Variants in PTPRK observed in about 807,000 individuals in gnomAD.
PTPRK encodes protein tyrosine phosphatase receptor type K, also known as receptor-type tyrosine-protein phosphatase kappa.
In PTPRK, 75 loss-of-function variants were observed where a neutral mutation model predicts 178.0. The ratio of observed to expected loss-of-function variants is 0.42; its 90% confidence interval spans 0.35 to 0.51. The LOEUF is 0.51. Ranked by LOEUF, PTPRK falls within the 20% of genes least tolerant of loss-of-function variation. The probability of loss-of-function intolerance (pLI) is 0.02; values close to 1 mark genes in which losing one functional copy is unlikely to be tolerated. For missense variants in PTPRK, 1,441 were observed against 1,797.8 expected (o/e 0.80, Z 3.59); for synonymous variants, 637 against 620.6 (o/e 1.03, Z -0.39).
At chr6:128,181,611 T>G (rs1801919892) in intron 7 of PTPRK, among the ~76,000 whole-genome samples, 1 of 152,118 alleles carries the variant, frequency 6.6e-6, no homozygotes, top group African/African-American at 2.4e-5. Context: ...TTTCCCAAGA[T>G]TATGAAGCAT....
chr6:128,258,020 G>A (rs1051725108), intron 3 of PTPRK, among the ~76,000 whole-genome samples: 4 of 151,826 alleles, frequency 2.6e-5, no homozygotes, highest in African/African-American at 9.7e-5. Context: ...AAGAAAAATG[G>A]CCAGAATATA....
chr6:128,083,683 C>T, intron 9 of PTPRK, 32 bp downstream of exon 9: 1 of 1,375,850 alleles, frequency 7.3e-7, no homozygotes. Context: ...CTTCAATCCA[C>T]ATTTCAATTA....
intron 3 of PTPRK, among the ~76,000 whole-genome samples, chr6:128,295,005 C>G (rs1342679340): frequency 1.3e-5 from 2 of 151,830 alleles, no homozygotes; most frequent in Non-Finnish European, 1.5e-5. Flanking sequence ...TTATCTGTTT[C>G]CACATAAACA....
intron 5 of PTPRK, among the ~76,000 whole-genome samples, chr6:128,230,579 G>A (rs942662394): frequency 1.3e-5 from 2 of 152,054 alleles, no homozygotes; most frequent in Non-Finnish European, 2.9e-5. Context: ...CTATACCTAC[G>A]TTTTATTTTA....
intron 5 of PTPRK, among the ~76,000 whole-genome samples, chr6:128,226,793 T>TAC (rs1562825703): frequency 7.1e-6 from 1 of 140,224 alleles, no homozygotes; most frequent in African/African-American, 2.8e-5. Context: ...TATATATATA[T>TAC]ATATATTTCA....
At chr6:128,282,036 C>A (rs1033535260) in intron 3 of PTPRK, among the ~76,000 whole-genome samples, 5 of 152,116 alleles carry the variant, frequency 3.3e-5, no homozygotes, top group African/African-American at 1.2e-4. Flanking sequence ...AGAACTGATT[C>A]TCTAGCTTTT....
intron 2 of PTPRK, among the ~76,000 whole-genome samples, chr6:128,359,525 G>T (rs1366617939): frequency 1.3e-5 from 2 of 152,022 alleles, no homozygotes. Flanking sequence ...GCTGAGGCGG[G>T]TGGATCACCT....
intron 3 of PTPRK, among the ~76,000 whole-genome samples, chr6:128,242,870 G>A (rs1407176984): frequency 2.0e-5 from 3 of 152,050 alleles, no homozygotes; most frequent in African/African-American, 4.8e-5. Flanking sequence ...TCCTGAATAG[G>A]CAATATATAG....
At chr6:128,162,041 T>G (rs1383806325) in intron 7 of PTPRK, among the ~76,000 whole-genome samples, 1 of 151,570 alleles carries the variant, frequency 6.6e-6, no homozygotes, top group African/African-American at 2.4e-5. Context: ...CCAGACAATT[T>G]AGAGCTTACA....
At position 128,166,556 on chromosome 6, in the gene PTPRK, G is replaced by T. The variant is rs1052103022; in HGVS notation, c.1162+17876C>A. ...TATGAGTGGCTGGTAAGCATTAGCT[G>T]CTATATTATAAATAATAAATACTGT... is the stretch of plus-strand genomic sequence containing the variant. On this transcript the variant is annotated intron_variant, in intron 7 of 29. Transcript: ENST00000368226. Among the ~76,000 whole-genome samples the T allele has an allele frequency of 5.3e-5, 8 of 151,746 alleles. 2 individuals carry two copies. Among genetic ancestry groups the T allele is most frequent in the Admixed American group, 5.3e-4 (8 of 15,182 alleles).
chr6:127,991,605 T>A (rs1776620885), intron 19 of PTPRK, among the ~76,000 whole-genome samples: 1 of 149,672 alleles, frequency 6.7e-6, no homozygotes, highest in Non-Finnish European at 1.5e-5. Flanking sequence ...TTTTTCAATT[T>A]GCCCTCTACA....
intron 3 of PTPRK, among the ~76,000 whole-genome samples, chr6:128,270,123 G>C (rs1376258331): frequency 6.6e-6 from 1 of 152,090 alleles, no homozygotes; most frequent in African/African-American, 2.4e-5. Context: ...CTGTAAAGGG[G>C]ATTATACTTT....
chr6:128,183,521 A>G (rs913175027), intron 7 of PTPRK, among the ~76,000 whole-genome samples: 5 of 152,182 alleles, frequency 3.3e-5, no homozygotes, highest in African/African-American at 1.2e-4. Context: ...ATATATAAAT[A>G]TGATGCTGGA....
intron 7 of PTPRK, among the ~76,000 whole-genome samples, chr6:128,172,454 T>C (rs1800408539): frequency 6.6e-6 from 1 of 151,900 alleles, no homozygotes; most frequent in Admixed American, 6.6e-5. Flanking sequence ...TATTTAAGTT[T>C]GTCCTACAGA....
chr6:128,281,220 G>A (rs1414455263), intron 3 of PTPRK, among the ~76,000 whole-genome samples: 1 of 152,204 alleles, frequency 6.6e-6, no homozygotes, highest in Non-Finnish European at 1.5e-5. Context: ...GGCAAGGCCA[G>A]TATCTGAGAA....
At chr6:128,125,602 CTTTTTTTTTTT>C (rs869038931) in intron 7 of PTPRK, among the ~76,000 whole-genome samples, 5 of 68,332 alleles carry the variant, frequency 7.3e-5, no homozygotes, top group African/African-American at 1.8e-4. Context: ...TTGGGCTTTT[CTTTTTTTTTTT>C]TTTTTTTTTT....
chr6:128,049,256 A>G (rs934353174), intron 13 of PTPRK, among the ~76,000 whole-genome samples: 3 of 152,180 alleles, frequency 2.0e-5, no homozygotes, highest in Non-Finnish European at 4.4e-5. Flanking sequence ...GGTTTGTTCT[A>G]AAAAATCCAG....
intron 3 of PTPRK, among the ~76,000 whole-genome samples, chr6:128,313,095 A>G (rs531634867): frequency 6.6e-6 from 1 of 152,238 alleles, no homozygotes; most frequent in African/African-American, 2.4e-5. Flanking sequence ...TCACCAATAT[A>G]CAGTCTGGCA....
chr6:128,226,761 C>CATATATATATATATATATATATAT (rs71028117), intron 5 of PTPRK, among the ~76,000 whole-genome samples: 1 of 109,540 alleles, frequency 9.1e-6, no homozygotes. Context: ...ATTATATAGA[C>CATATATATATATATATATATATAT]ATATATATAT....
Sources: gnomAD v4.1 joint callset for allele counts (sites outside exome capture counted in the v4.1 genomes callset) on GRCh38, gnomAD v4.1.1 for gene constraint, MANE v1.5 for transcripts, NCBI Gene and HGNC (gene_info 2026-07-23, HGNC 2026-07-21) for gene names.